The following CATIP variants were observed in gnomAD, a reference collection of about 807,000 sequenced individuals.
The protein encoded by CATIP is ciliogenesis associated TTC17 interacting protein.
In CATIP, 40 loss-of-function variants were observed where a neutral mutation model predicts 42.5. The ratio of observed to expected loss-of-function variants is 0.94; its 90% confidence interval spans 0.73 to 1.22. The LOEUF (loss-of-function observed/expected upper bound fraction) is 1.22, where lower values mean the gene tolerates loss of function less well. CATIP is among the 50% of genes most tolerant of loss of function. CATIP has a pLI of 0.00. For missense variants in CATIP, 489 were observed against 496.0 expected (o/e 0.99, Z 0.13); for synonymous variants, 222 against 200.2 (o/e 1.11, Z -0.92).
At chr2:218,367,689 T>A in intron 9 of CATIP, 33 bp from the exon 10 acceptor site, 1 of 1,579,104 alleles carries the variant, frequency 6.3e-7, no homozygotes, top group African/African-American at 1.3e-5. Flanking sequence ...GGGGGTCCCG[T>A]CCGGCTGAGG....
chr2:218,358,204 T>C (rs1695105635), intron 4 of CATIP, 112 bp downstream of exon 4: 1 of 806,076 alleles, frequency 1.2e-6, no homozygotes, highest in East Asian at 2.4e-5. Context: ...ACAGTGAAGC[T>C]GAAGAATAGC....
At position 218,367,926 on chromosome 2, in the gene CATIP, C is replaced by A; in HGVS notation, c.1126C>A (p.Leu376Met). The A allele has an allele frequency of 6.2e-7, 1 of 1,608,078 alleles. No individual in the cohort carries two copies. The highest frequency in any genetic ancestry group is 8.5e-7 in the Non-Finnish European group (1 of 1,178,658). The change falls in exon 10 of 10, where the codon CTG (leucine) becomes ATG (methionine). Residue 376 changes from leucine to methionine, a missense_variant. By Grantham distance (15) the Leu-to-Met change is conservative. Coordinates refer to ENST00000289388, the MANE Select transcript of CATIP (RefSeq NM_198559.2). ...SSHRPNPFRS[L>M]EPEGDARSGA... is the part of the protein sequence containing the mutation. ...CCACCGGCCCAACCCTTTCCGCTCCCTGGAGCCGGAGGGAGACGCCCGCTC... is the reference window on the plus strand; with the variant it reads ...CCACCGGCCCAACCCTTTCCGCTCCATGGAGCCGGAGGGAGACGCCCGCTC...
chr2:218,364,080 C>T (rs1259644995), intron 6 of CATIP, among the ~76,000 whole-genome samples: 3 of 152,166 alleles, frequency 2.0e-5, no homozygotes, highest in East Asian at 1.9e-4. Context: ...AATTACATTC[C>T]AGGCTTGTCT....
chr2:218,361,406 G>A (rs372265001), intron 5 of CATIP, among the ~76,000 whole-genome samples: 109 of 152,120 alleles, frequency 7.2e-4, no homozygotes, highest in African/African-American at 2.3e-3. Flanking sequence ...TGGTTCATTG[G>A]AAAAGGCAGG....
At chr2:218,367,207 A>G (rs560402791) in intron 8 of CATIP, 107 bp downstream of exon 8, 102 of 883,090 alleles carry the variant, frequency 1.2e-4, no homozygotes, top group Admixed American at 1.0e-3. Flanking sequence ...TAAACGGGAC[A>G]GGAGCCTGGA....
intron 6 of CATIP, among the ~76,000 whole-genome samples, chr2:218,364,299 T>C (rs1379508828): frequency 6.6e-6 from 1 of 152,196 alleles, no homozygotes; most frequent in African/African-American, 2.4e-5. Flanking sequence ...CTCACACCTC[T>C]GAGCCTCACT....
Position 218,357,087 on chromosome 2 carries a change from C to T in CATIP, c.26-8C>T, listed in dbSNP as rs1695041516. On this transcript the variant is annotated splice_polypyrimidine_tract_variant and splice_region_variant and intron_variant, in intron 1 of 9. Coordinates refer to ENST00000289388, the MANE Select transcript of CATIP (RefSeq NM_198559.2). ...GGTCTGCCATCTTAGCCTCTCATCC[C>T]TCTGTAGGCTCCAGAGCTAAGGACC... 2 of 1,610,750 alleles carry T rather than the reference C, an allele frequency of 1.2e-6. No individual in the cohort carries two copies. Among genetic ancestry groups the T allele is most frequent in the African/African-American group, 1.3e-5 (1 of 74,998 alleles).
intron 7 of CATIP, chr2:218,365,891 T>G (rs899288480): frequency 3.9e-5 from 6 of 152,198 alleles, no homozygotes; most frequent in African/African-American, 1.4e-4. Context: ...CTTGGCTAAC[T>G]GCAACCTCCG....
At chr2:218,357,046 C>G in intron 1 of CATIP, 49 bp from the exon 2 acceptor site, 2 of 1,579,506 alleles carry the variant, frequency 1.3e-6, no homozygotes, top group Non-Finnish European at 1.7e-6. Flanking sequence ...TCCCTGACCC[C>G]TGCCCTTCTC....
At chr2:218,364,305 TCA>T (rs1237585790) in intron 6 of CATIP, among the ~76,000 whole-genome samples, 1 of 152,134 alleles carries the variant, frequency 6.6e-6, no homozygotes, top group Non-Finnish European at 1.5e-5. Flanking sequence ...CCTCTGAGCC[TCA>T]CTTTACCTCC....
rs145097529 is a variant in CATIP, at chr2:218,357,698, T to C, written c.283T>C (p.Phe95Leu). The C allele has an allele frequency of 6.2e-7, 1 of 1,614,032 alleles. No individual in the cohort carries two copies. Among genetic ancestry groups the C allele is most frequent in the Non-Finnish European group, 8.5e-7 (1 of 1,180,006 alleles). ...CTTCGTGCATGCCTCTAGCCGAGGC[T>C]TCTTGGACAAAATGCTCTGCGGAAA... ...CLFVHASSRG[F>L]LDKMLCGNSL... The change falls in exon 3 of 10, where the codon TTC becomes CTC. Residue 95 changes from phenylalanine (F) to leucine (L), a missense_variant. Physicochemically the swap from Phe to Leu is conservative, Grantham distance 22. Coordinates refer to ENST00000289388, the MANE Select transcript of CATIP (RefSeq NM_198559.2).
At chr2:218,357,259 G>GTCTCTCTCTC (rs144807145) in intron 2 of CATIP, 72 bp downstream of exon 2, 32,534 of 600,728 alleles carry the variant, frequency 0.054, 476 homozygotes, top group Admixed American at 0.09. Flanking sequence ...AGAAAGTCCA[G>GTCTCTCTCTC]TCTCTCTCTC....
chr2:218,358,100 C>A lies in CATIP; in HGVS notation c.375+8C>A. The A allele has an allele frequency of 6.2e-7, 1 of 1,612,822 alleles. No individual in the cohort carries two copies. Among genetic ancestry groups the A allele is most frequent in the Non-Finnish European group, 8.5e-7 (1 of 1,179,188 alleles). On this transcript the variant is annotated splice_region_variant and intron_variant, in intron 4 of 9. Coordinates refer to ENST00000289388, the MANE Select transcript of CATIP (RefSeq NM_198559.2). ...AGCCAAGACTTCATCAAGGTACTTC[C>A]CAGGGCCCCAGCCTTGACCCAATCC...
intron 5 of CATIP, among the ~76,000 whole-genome samples, chr2:218,362,450 C>A (rs908817281): frequency 6.6e-6 from 1 of 151,696 alleles, no homozygotes; most frequent in African/African-American, 2.4e-5. Context: ...ACTAGCCTGG[C>A]CAACATGGTG....
At chr2:218,360,700 G>A (rs1324071979) in intron 5 of CATIP, 41 bp downstream of exon 5, 2 of 1,458,798 alleles carry the variant, frequency 1.4e-6, no homozygotes, top group Non-Finnish European at 1.9e-6. Flanking sequence ...TACACACTGT[G>A]AACCCAGAAT....
rs925669496 is a variant in CATIP at position 218,367,750 on chromosome 2, A to G, written c.950A>G (p.Tyr317Cys). The stretch of plus-strand genomic sequence containing the variant: ...GAGCTCCGGCTCGGCCACGCCAGCT[A>G]TCTGCGGCAGCACCCCGAAGCCCAC... ...KEELRLGHAS[Y>C]LRQHPEAHAL... Residue 317 changes from tyrosine to cysteine, a missense_variant, in exon 10 of 10, where the codon TAT becomes TGT. By Grantham distance (194) the Tyr-to-Cys change is radical (BLOSUM62 -2). Transcript: ENST00000289388. 3 of 1,607,916 alleles carry G rather than the reference A, an allele frequency of 1.9e-6. No homozygotes were observed. The highest frequency in any genetic ancestry group is 2.5e-6 in the Non-Finnish European group (3 of 1,179,088).
At chr2:218,365,151 A>C (rs1364435676) in intron 7 of CATIP, among the ~76,000 whole-genome samples, 1 of 152,170 alleles carries the variant, frequency 6.6e-6, no homozygotes, top group African/African-American at 2.4e-5. Context: ...GTGGTGGCTC[A>C]CACCTGTAAT....
chr2:218,359,364 A>AAAAAAAAAAAAAAAAAGG (rs1695155999), intron 4 of CATIP, among the ~76,000 whole-genome samples: 1 of 144,672 alleles, frequency 6.9e-6, no homozygotes, highest in African/African-American at 2.6e-5. Context: ...AAAAAAAAAA[A>AAAAAAAAAAAAAAAAAGG]TGTTGGGGAT....
chr2:218,362,716 C>T lies in CATIP; in HGVS notation c.463-19C>T, dbSNP rs1206500540. On this transcript the variant is annotated intron_variant, in intron 5 of 9. Transcript: ENST00000289388. ...CCCTTCCTGGTTCCAGGACCCTGAC[C>T]CAGATCAGTTCTGAACAGGAAGTGA... is the stretch of plus-strand genomic sequence containing the variant. The T allele has an allele frequency of 1.2e-6, 2 of 1,611,008 alleles. No homozygotes were observed. Among genetic ancestry groups the T allele is most frequent in the East Asian group, 2.2e-5 (1 of 44,786 alleles).
Sources: allele counts gnomAD v4.1 joint callset (sites outside exome capture counted in the v4.1 genomes callset), GRCh38; gene constraint gnomAD v4.1.1; transcripts MANE v1.5; gene names NCBI Gene and HGNC (gene_info 2026-07-23, HGNC 2026-07-21).